The following NRXN3 variants were observed in gnomAD, a reference collection of about 807,000 sequenced individuals.
NRXN3 encodes neurexin 3, also known as neurexin III.
NRXN3 carries 32 observed loss-of-function variants against 137.6 expected under a neutral mutation model. That is an observed-to-expected ratio of 0.23 (90% CI 0.18 to 0.31). The LOEUF (loss-of-function observed/expected upper bound fraction) is 0.31, where lower values mean the gene tolerates loss of function less well. NRXN3 is among the 10% of genes least tolerant of loss of function. The probability of loss-of-function intolerance (pLI) is 1.00; values close to 1 mark genes in which losing one functional copy is unlikely to be tolerated. For synonymous variants in NRXN3, 798 were observed against 784.5 expected (o/e 1.02, Z -0.29); for missense variants, 1,574 against 2,062.5 (o/e 0.76, Z 4.59).
intron 15 of NRXN3, among the ~76,000 whole-genome samples, chr14:79,055,046 T>C (rs1288581678): frequency 6.6e-6 from 1 of 152,190 alleles, no homozygotes; most frequent in Non-Finnish European, 1.5e-5. Context: ...TATGTGGGAT[T>C]CCACTACCCT....
intron 16 of NRXN3, among the ~76,000 whole-genome samples, chr14:79,492,020 T>C (rs1015739205): frequency 1.3e-5 from 2 of 152,180 alleles, no homozygotes; most frequent in African/African-American, 4.8e-5. Context: ...TGCTTTCTCG[T>C]AGATGAATGT....
intron 2 of NRXN3, among the ~76,000 whole-genome samples, chr14:78,256,389 A>G (rs1005581862): frequency 6.6e-6 from 1 of 152,268 alleles, no homozygotes; most frequent in East Asian, 1.9e-4. Context: ...GTTGGACCAC[A>G]GAACGCACAA....
At chr14:79,832,037 G>A (rs1603617918) in intron 20 of NRXN3, among the ~76,000 whole-genome samples, 2 of 152,160 alleles carry the variant, frequency 1.3e-5, no homozygotes, top group East Asian at 1.9e-4. Context: ...ATCTGCAGAC[G>A]CTCAAATCTC....
intron 10 of NRXN3, among the ~76,000 whole-genome samples, chr14:78,914,027 A>T (rs1164208918): frequency 6.6e-6 from 1 of 152,142 alleles, no homozygotes; most frequent in Non-Finnish European, 1.5e-5. Flanking sequence ...TCTTGAACTG[A>T]TCTGAGCCAA....
At chr14:79,652,236 A>G (rs965619757) in intron 16 of NRXN3, among the ~76,000 whole-genome samples, 5 of 152,314 alleles carry the variant, frequency 3.3e-5, no homozygotes, top group South Asian at 2.1e-4. Flanking sequence ...TTTCTCTAGC[A>G]TTATGTTCCT....
chr14:79,225,724 C>T (rs1269827020), intron 15 of NRXN3, among the ~76,000 whole-genome samples: 1 of 152,112 alleles, frequency 6.6e-6, no homozygotes, highest in East Asian at 1.9e-4. Flanking sequence ...GTTTCGTAAA[C>T]CACTTTGGTT....
At chr14:79,371,222 C>G (rs929646125) in intron 15 of NRXN3, among the ~76,000 whole-genome samples, 2 of 152,118 alleles carry the variant, frequency 1.3e-5, no homozygotes, top group Admixed American at 6.5e-5. Context: ...CATTTTTTTT[C>G]TACCCTTTAG....
intron 15 of NRXN3, among the ~76,000 whole-genome samples, chr14:79,458,388 C>T (rs766998811): frequency 1.3e-5 from 2 of 152,030 alleles, no homozygotes; most frequent in African/African-American, 2.4e-5. Flanking sequence ...AATATTTCCA[C>T]GTTGAGATGA....
chr14:79,113,805 G>T (rs1173419165), intron 15 of NRXN3, among the ~76,000 whole-genome samples: 1 of 152,106 alleles, frequency 6.6e-6, no homozygotes, highest in African/African-American at 2.4e-5. Context: ...TGTGCATCAG[G>T]ATCACTGGTG....
At chr14:79,287,461 A>T (rs1027324856) in intron 15 of NRXN3, among the ~76,000 whole-genome samples, 1 of 152,222 alleles carries the variant, frequency 6.6e-6, no homozygotes, top group South Asian at 2.1e-4. Context: ...GAATTCAAAC[A>T]TTCCTACATG....
chr14:79,829,686 C>A (rs538581324), intron 20 of NRXN3, among the ~76,000 whole-genome samples: 30 of 152,316 alleles, frequency 2.0e-4, no homozygotes, highest in African/African-American at 7.2e-4. Context: ...TAAGGGATTA[C>A]AGACTTCTCT....
chr14:78,745,948 C>A (rs554896918), intron 8 of NRXN3, among the ~76,000 whole-genome samples: 1 of 152,078 alleles, frequency 6.6e-6, no homozygotes, highest in African/African-American at 2.4e-5. Flanking sequence ...CTATAATTAC[C>A]TACCTCATGG....
At chr14:79,256,541 C>G (rs1432057999) in intron 15 of NRXN3, among the ~76,000 whole-genome samples, 3 of 152,126 alleles carry the variant, frequency 2.0e-5, no homozygotes, top group Admixed American at 2.0e-4. Flanking sequence ...TTGAGCCCCC[C>G]AAAGAGAGAC....
At chr14:79,656,454 C>T (rs1351397113) in intron 16 of NRXN3, among the ~76,000 whole-genome samples, 2 of 152,108 alleles carry the variant, frequency 1.3e-5, no homozygotes, top group Admixed American at 6.6e-5. Flanking sequence ...ATTTGAAGGA[C>T]GTGATGACTC....
chr14:78,347,417 C>G (rs1416366972), intron 4 of NRXN3, among the ~76,000 whole-genome samples: 2 of 152,102 alleles, frequency 1.3e-5, no homozygotes, highest in Non-Finnish European at 2.9e-5. Flanking sequence ...GTATGTTATC[C>G]CACGGAGTGT....
In NRXN3 at chr14:78,856,612, A is replaced by T. The variant is rs181477593; in HGVS notation, c.2275+46268A>T. On this transcript the variant is annotated intron_variant, in intron 10 of 20. Coordinates refer to ENST00000335750, the MANE Select transcript of NRXN3 (RefSeq NM_001330195.2). ...TTCAGTACAGTAATAAAGTAAAATT[A>T]AAAAAAAGCTAATGTATTTGTAGAC... Among the ~76,000 whole-genome samples, 139 of 152,104 alleles carry T rather than the reference A, an allele frequency of 9.1e-4. 1 individual carries two copies. Among genetic ancestry groups the T allele is most frequent in the African/African-American group, 2.5e-3 (105 of 41,528 alleles).
At chr14:79,493,351 A>T (rs1337739013) in intron 16 of NRXN3, among the ~76,000 whole-genome samples, 2 of 152,248 alleles carry the variant, frequency 1.3e-5, no homozygotes, top group Admixed American at 6.5e-5. Context: ...TGAAAGCCAT[A>T]CATTCAGAAT....
intron 16 of NRXN3, among the ~76,000 whole-genome samples, chr14:79,633,911 C>G (rs1211248664): frequency 6.6e-6 from 1 of 152,056 alleles, no homozygotes; most frequent in South Asian, 2.1e-4. Context: ...TGGGCCCCCA[C>G]GAAGCTCTGC....
At chr14:78,700,185 A>T (rs1438706886) in intron 6 of NRXN3, among the ~76,000 whole-genome samples, 1 of 152,198 alleles carries the variant, frequency 6.6e-6, no homozygotes, top group Non-Finnish European at 1.5e-5. Context: ...AGAGCTAAAG[A>T]TACAGTGGTT....
Sources: allele counts gnomAD v4.1 joint callset (sites outside exome capture counted in the v4.1 genomes callset), GRCh38; gene constraint gnomAD v4.1.1; transcripts MANE v1.5; gene names NCBI Gene and HGNC (gene_info 2026-07-23, HGNC 2026-07-21).